The following KPNA7 variants were observed in gnomAD, a reference collection of about 807,000 sequenced individuals.
KPNA7 encodes the protein karyopherin subunit alpha 7, also known as importin subunit alpha-8.
In KPNA7, 54 loss-of-function variants were observed where a neutral mutation model predicts 53.7. The ratio of observed to expected loss-of-function variants is 1.01; its 90% CI spans 0.81 to 1.26. The LOEUF is 1.26. Among genes scored for constraint, KPNA7 ranks in the 50% most tolerant of loss-of-function variants. KPNA7 has a pLI of 0.00. For synonymous variants in KPNA7, 276 were observed against 259.3 expected (o/e 1.06, Z -0.62); for missense variants, 640 against 644.5 (o/e 0.99, Z 0.07).
chr7:99,175,686 G>C (rs1411216064), intron 10 of KPNA7, among the ~76,000 whole-genome samples: 2 of 151,416 alleles, frequency 1.3e-5, no homozygotes, highest in Non-Finnish European at 1.5e-5. Flanking sequence ...AACTAATTTT[G>C]TATTTTTAGT....
At chr7:99,182,524 A>G (rs983346551) in intron 8 of KPNA7, among the ~76,000 whole-genome samples, 1 of 151,896 alleles carries the variant, frequency 6.6e-6, no homozygotes, top group African/African-American at 2.4e-5. Flanking sequence ...TAGTACAGAC[A>G]GGGTTTCACC....
chr7:99,163,427 T>C, the KPNA7 span, among the ~76,000 whole-genome samples: 1 of 137,754 alleles, frequency 7.3e-6, no homozygotes, highest in East Asian at 2.2e-4. Flanking sequence ...CTCACTTTGT[T>C]GCCCAGGCTG....
At chr7:99,198,271 C>A (rs995245445) in intron 3 of KPNA7, among the ~76,000 whole-genome samples, 2 of 151,956 alleles carry the variant, frequency 1.3e-5, no homozygotes, top group Non-Finnish European at 2.9e-5. Context: ...AAAAAAAATT[C>A]TCACTCATTC....
chr7:99,151,197 G>A, the KPNA7 span, among the ~76,000 whole-genome samples: 89 of 152,084 alleles, frequency 5.9e-4, no homozygotes, highest in South Asian at 8.3e-4. Flanking sequence ...TGCCTGCATC[G>A]TGCTGATAGC....
chr7:99,219,123 C>T (rs1031610171), intron 1 of KPNA7, among the ~76,000 whole-genome samples: 2 of 152,214 alleles, frequency 1.3e-5, no homozygotes, highest in African/African-American at 2.4e-5. Flanking sequence ...GTTTTGAGCC[C>T]GCCCCGGGCA....
At chr7:99,168,143 T>G in the KPNA7 span, among the ~76,000 whole-genome samples, 6 of 152,292 alleles carry the variant, frequency 3.9e-5, no homozygotes, top group Middle Eastern at 3.4e-3. Context: ...TTACCTTACA[T>G]TGGTTTATTG....
intron 7 of KPNA7, 100 bp downstream of exon 7, chr7:99,188,200 C>CAAAAAAAAAAA (rs1789728354): frequency 2.0e-6 from 1 of 493,860 alleles, no homozygotes; most frequent in African/African-American, 3.1e-5. Flanking sequence ...AAAAAAAAAG[C>CAAAAAAAAAAA]AAAGACCAGG....
chr7:99,218,907 G>A (rs1325413990), intron 1 of KPNA7, among the ~76,000 whole-genome samples: 5 of 152,232 alleles, frequency 3.3e-5, no homozygotes, highest in South Asian at 2.1e-4. Flanking sequence ...GCCGGGGCTC[G>A]TGCACACATT....
intron 6 of KPNA7, among the ~76,000 whole-genome samples, chr7:99,192,074 C>A (rs1789985435): frequency 6.6e-6 from 1 of 152,192 alleles, no homozygotes. Flanking sequence ...TGACTCTAAG[C>A]CTCAAAAGAA....
rs202200015 is a variant in KPNA7 at position 99,195,087 on chromosome 7, G to A, written c.536C>T (p.Ala179Val). The A allele has an allele frequency of 6.1e-4, 953 of 1,551,516 alleles. 9 individuals are homozygous for A. In the South Asian group the frequency reaches 0.01, roughly 17 times the overall value. ...NVAVCEQAVWALGNIAGDGPE... is the reference protein window; with the variant it reads ...NVAVCEQAVWVLGNIAGDGPE... ...AGTCTCACCGGCTATATTACCAAGA[G>A]CCCACACTGCCTGTTCACACACAGC... Residue 179 changes from alanine to valine, a missense_variant, in exon 5 of 11, where the codon GCT (alanine) becomes GTT (valine). Physicochemically the swap from Ala to Val is moderately conservative, Grantham distance 64. Transcript: ENST00000327442.
At chr7:99,192,267 G>T (rs1240793337) in intron 6 of KPNA7, among the ~76,000 whole-genome samples, 1 of 152,166 alleles carries the variant, frequency 6.6e-6, no homozygotes, top group South Asian at 2.1e-4. Context: ...TGTGACCCTA[G>T]AATGGAGATT....
intron 3 of KPNA7, among the ~76,000 whole-genome samples, chr7:99,197,208 G>A (rs1166568581): frequency 6.6e-6 from 1 of 152,088 alleles, no homozygotes; most frequent in African/African-American, 2.4e-5. Context: ...TCTTTTCTTC[G>A]TGGTTCGAAG....
At chr7:99,167,647 T>G in the KPNA7 span, among the ~76,000 whole-genome samples, 121 of 99,902 alleles carry the variant, frequency 1.2e-3, 3 homozygotes, top group East Asian at 0.031. Context: ...TTTTTTTTTT[T>G]TTTTTGCATT....
At chr7:99,215,823 T>C (rs985180855) in intron 1 of KPNA7, among the ~76,000 whole-genome samples, 3 of 151,562 alleles carry the variant, frequency 2.0e-5, no homozygotes, top group African/African-American at 7.3e-5. Context: ...ATGAAAAAAA[T>C]ATATAGCCAG....
At chr7:99,171,256 A>C (rs988911223), downstream of KPNA7, among the ~76,000 whole-genome samples, 10 of 152,254 alleles carry the variant, frequency 6.6e-5, no homozygotes, top group Non-Finnish European at 1.0e-4. Context: ...ATGTTTTTGG[A>C]TGAGCAGTGT....
At chr7:99,178,716 A>C (rs1214812455) in intron 9 of KPNA7, among the ~76,000 whole-genome samples, 1 of 134,876 alleles carries the variant, frequency 7.4e-6, no homozygotes, top group Non-Finnish European at 1.5e-5. Context: ...TTGGCCTCCC[A>C]AAGTGCTGGG....
intron 3 of KPNA7, among the ~76,000 whole-genome samples, chr7:99,201,424 G>A (rs955419134): frequency 2.0e-5 from 3 of 152,090 alleles, no homozygotes; most frequent in African/African-American, 7.2e-5. Context: ...AGCACTTCGG[G>A]AGGCTGAGGC....
At position 99,185,017 on chromosome 7, in the gene KPNA7, A is replaced by G. The variant is rs797045052; in HGVS notation, c.1046T>C (p.Leu349Pro). ...ACAAGGCCCCGCTGCTACGTTGCTCAGGGCCCAGGCTGCCTCCTTCTGGAT... is the reference window on the plus strand; with the variant it reads ...ACAAGGCCCCGCTGCTACGTTGCTCGGGGCCCAGGCTGCCTCCTTCTGGAT... ...PSIQKEAAWA[L>P]SNVAAGPCHH... is the part of the protein sequence containing the mutation. The change falls in exon 8 of 11, where the codon CTG becomes CCG. Residue 349 changes from leucine to proline, a missense_variant. Coordinates refer to ENST00000327442, the MANE Select transcript of KPNA7 (RefSeq NM_001145715.3). 1.3e-6 allele frequency: 2 copies of G among 1,551,876 alleles called. No individual in the cohort carries two copies. Among genetic ancestry groups the G allele is most frequent in the Non-Finnish European group, 1.7e-6 (2 of 1,147,008 alleles).
At chr7:99,160,867 A>G in the KPNA7 span, among the ~76,000 whole-genome samples, 4 of 151,300 alleles carry the variant, frequency 2.6e-5, no homozygotes, top group Admixed American at 2.6e-4. Context: ...GAGTGATTGT[A>G]TGCCACCTTT....
Sources: gnomAD v4.1 joint callset for allele counts (sites outside exome capture counted in the v4.1 genomes callset) on GRCh38, gnomAD v4.1.1 for gene constraint, MANE v1.5 for transcripts, NCBI Gene and HGNC (gene_info 2026-07-23, HGNC 2026-07-21) for gene names.